SLC16A2: variants seen among roughly 807,000 people sequenced by gnomAD.
SLC16A2 encodes monocarboxylate transporter 8.
SLC16A2 carries 3 observed loss-of-function variants against 27.2 expected under a neutral mutation model. That is an observed-to-expected ratio of 0.11 (90% CI 0.05 to 0.28). The LOEUF is 0.28. Among genes scored for constraint, SLC16A2 ranks in the 10% least tolerant of loss-of-function variants. The pLI is 1.00. For missense variants in SLC16A2, 295 were observed against 458.5 expected, an observed-to-expected ratio of 0.64 and a Z score of 3.26; for synonymous variants, 202 against 187.8, an observed-to-expected ratio of 1.08 and a Z score of -0.62.
intron 4 of SLC16A2, among the ~76,000 whole-genome samples, chrX:74,528,095 C>T (rs1930512727): frequency 1.8e-5 from 2 of 112,440 alleles, no homozygotes; most frequent in Admixed American, 1.9e-4. Flanking sequence ...ACCAAATAAC[C>T]TTGACCCCCA....
At chrX:74,464,219 C>A (rs1929209540) in intron 1 of SLC16A2, among the ~76,000 whole-genome samples, 1 of 111,983 alleles carries the variant, frequency 8.9e-6, no homozygotes, top group South Asian at 3.7e-4. Flanking sequence ...TTGGGGCTGT[C>A]AAATAAAGCT....
chrX:74,466,852 C>T (rs1463272114), intron 1 of SLC16A2, among the ~76,000 whole-genome samples: 3 of 112,482 alleles, frequency 2.7e-5, no homozygotes, highest in African/African-American at 9.7e-5. Flanking sequence ...ATGTCTTTGT[C>T]ACAATACTCA....
chrX:74,504,989 C>T (rs1356823969), intron 1 of SLC16A2, among the ~76,000 whole-genome samples: 1 of 111,294 alleles, frequency 9.0e-6, no homozygotes, highest in East Asian at 2.8e-4. Context: ...GATCCTGTCT[C>T]AAACAAACAA....
chrX:74,527,928 TTA>T (rs1223326633), intron 4 of SLC16A2, among the ~76,000 whole-genome samples: 3 of 112,146 alleles, frequency 2.7e-5, no homozygotes, highest in Non-Finnish European at 5.6e-5. Context: ...ACCGGGGTTC[TTA>T]TTCCTAGCTT....
At chrX:74,458,964 G>A (rs1474646848) in intron 1 of SLC16A2, among the ~76,000 whole-genome samples, 1 of 109,191 alleles carries the variant, frequency 9.2e-6, no homozygotes, top group African/African-American at 3.3e-5. Flanking sequence ...GAATTTGCTT[G>A]TTAAATCTCC....
At chrX:74,422,148 C>T (rs960729827) in intron 1 of SLC16A2, 81 bp downstream of exon 1, 2 of 973,522 alleles carry the variant, frequency 2.1e-6, no homozygotes, top group Non-Finnish European at 1.4e-6. Flanking sequence ...ACCTCCCGGT[C>T]CGAGGCGCCC....
chrX:74,521,282 C>T, intron 2 of SLC16A2, 148 bp downstream of exon 2: 1 of 704,615 alleles, frequency 1.4e-6, no homozygotes, highest in Non-Finnish European at 2.2e-6. Flanking sequence ...GATTCAGAAT[C>T]CAGTGAATTC....
intron 1 of SLC16A2, among the ~76,000 whole-genome samples, chrX:74,427,783 AAG>A (rs1401269698): frequency 3.6e-4 from 36 of 101,241 alleles, no homozygotes; most frequent in African/African-American, 1.5e-4. Context: ...ACATGTGCGC[AAG>A]CGCATGCGCA....
intron 1 of SLC16A2, among the ~76,000 whole-genome samples, chrX:74,476,228 A>G (rs1427620057): frequency 9.0e-6 from 1 of 111,512 alleles, no homozygotes; most frequent in Non-Finnish European, 1.9e-5. Flanking sequence ...TAGGTATTTT[A>G]TTCTCTTTGA....
intron 1 of SLC16A2, among the ~76,000 whole-genome samples, chrX:74,468,451 C>A (rs1170643354): frequency 8.9e-6 from 1 of 111,829 alleles, no homozygotes. Flanking sequence ...CAACAAATTT[C>A]TTTTTATGGC....
At chrX:74,465,006 G>A (rs1317213609) in intron 1 of SLC16A2, among the ~76,000 whole-genome samples, 2 of 111,863 alleles carry the variant, frequency 1.8e-5, no homozygotes, top group Non-Finnish European at 3.8e-5. Flanking sequence ...TGGCAACACA[G>A]AGGACTCCCA....
rs771495925 is a variant in SLC16A2, at chrX:74,513,836, A to G, written c.431-7154A>G. 1.4e-4 allele frequency among the ~76,000 whole-genome samples: 16 copies of G among 111,727 alleles called. No homozygotes were observed. The East Asian group carries it at 4.5e-3, about 31-fold the overall frequency. Reference sequence around the variant, plus strand: ...GTTCATAAATTTTATTGCCCTACTTAAAAAAACAATGTGTTCCCTACTCCA... The same window carrying G: ...GTTCATAAATTTTATTGCCCTACTTGAAAAAACAATGTGTTCCCTACTCCA... On this transcript the variant is annotated intron_variant, in intron 1 of 5. Transcript: ENST00000587091.
At chrX:74,466,632 C>T (rs1296715585) in intron 1 of SLC16A2, among the ~76,000 whole-genome samples, 2 of 111,354 alleles carry the variant, frequency 1.8e-5, no homozygotes, top group African/African-American at 3.3e-5. Context: ...TTTTTTCAAA[C>T]ATTTTCGATC....
At chrX:74,496,660 G>A (rs1360781321) in intron 1 of SLC16A2, among the ~76,000 whole-genome samples, 1 of 112,489 alleles carries the variant, frequency 8.9e-6, no homozygotes, top group Non-Finnish European at 1.9e-5. Context: ...CCTCTACCTT[G>A]TCACAAGGAC....
At chrX:74,531,264 A>G in intron 5 of SLC16A2, 69 bp from the exon 6 acceptor site, 1 of 939,420 alleles carries the variant, frequency 1.1e-6, no homozygotes. Context: ...TGGCCCCTAG[A>G]ACGGGCTGAG....
chrX:74,433,161 CAGG>C (rs1178788370), intron 1 of SLC16A2, among the ~76,000 whole-genome samples: 1 of 111,184 alleles, frequency 9.0e-6, no homozygotes, highest in Admixed American at 9.6e-5. Context: ...CACTTGAGGT[CAGG>C]AGTTCAAGAC....
chrX:74,423,591 C>T (rs1193214225), intron 1 of SLC16A2, among the ~76,000 whole-genome samples: 1 of 111,749 alleles, frequency 8.9e-6, no homozygotes, highest in African/African-American at 3.3e-5. Context: ...CAAAGGAAGT[C>T]TCTTGACTAC....
intron 1 of SLC16A2, among the ~76,000 whole-genome samples, chrX:74,453,610 G>A (rs1353812267): frequency 9.0e-6 from 1 of 110,651 alleles, no homozygotes; most frequent in Non-Finnish European, 1.9e-5. Flanking sequence ...GTCTCACTAT[G>A]TTTCCCATCT....
chrX:74,425,991 A>G (rs1223591145), intron 1 of SLC16A2, among the ~76,000 whole-genome samples: 2 of 111,679 alleles, frequency 1.8e-5, no homozygotes, highest in Non-Finnish European at 1.9e-5. Context: ...TCTGATGGAA[A>G]CAGAATTTTC....
Sources: allele counts gnomAD v4.1 joint callset (sites outside exome capture counted in the v4.1 genomes callset), GRCh38; gene constraint gnomAD v4.1.1; transcripts MANE v1.5; gene names NCBI Gene and HGNC (gene_info 2026-07-23, HGNC 2026-07-21).